The following DMD variants were observed in gnomAD, a reference collection of about 807,000 sequenced individuals.
DMD encodes mutant dystrophin.
A neutral mutation model predicts 330.1 loss-of-function variants in DMD; 63 were observed. The ratio of observed to expected loss-of-function variants is 0.19; its 90% CI spans 0.16 to 0.24. The LOEUF is 0.24. Among genes scored for constraint, DMD ranks in the 10% least tolerant of loss-of-function variants. DMD has a pLI of 1.00. For synonymous variants in DMD, 1,223 were observed against 959.8 expected (o/e 1.27, Z -5.07); for missense variants, 3,344 against 2,684.1 (o/e 1.25, Z -5.43).
chrX:31,458,243 A>G (rs1326061530), intron 59 of DMD, among the ~76,000 whole-genome samples: 3 of 111,131 alleles, frequency 2.7e-5, no homozygotes, highest in Non-Finnish European at 5.7e-5. Context: ...CTGTGAATAC[A>G]TGAGGTTGTG....
intron 30 of DMD, among the ~76,000 whole-genome samples, chrX:32,397,320 G>A (rs2098052116): frequency 9.0e-6 from 1 of 111,425 alleles, no homozygotes; most frequent in Admixed American, 9.6e-5. Flanking sequence ...TTATCAGCCT[G>A]GCTTCGTATA....
intron 13 of DMD, among the ~76,000 whole-genome samples, chrX:32,576,580 G>C (rs1050020260): frequency 9.1e-6 from 1 of 110,280 alleles, no homozygotes; most frequent in African/African-American, 3.3e-5. Context: ...ACAGAGGTGG[G>C]ATAGCACAAG....
intron 63 of DMD, among the ~76,000 whole-genome samples, chrX:31,248,365 G>A (rs1348711725): frequency 2.7e-5 from 3 of 111,509 alleles, no homozygotes; most frequent in African/African-American, 6.5e-5. Context: ...TGTAAACGTC[G>A]CAAGTACTTT....
In DMD at chrX:31,344,858, T is replaced by TACACAC. The variant is rs376996455; in HGVS notation, c.9163+3692_9163+3697dup. Among the ~76,000 whole-genome samples, 653 of 107,160 alleles carry TACACAC rather than the reference T, an allele frequency of 6.1e-3. 7 individuals carry two copies. Among genetic ancestry groups the TACACAC allele is most frequent in the African/African-American group, 0.021 (630 of 29,553 alleles). The allele number at this position is 107,160 out of a possible 115,157, so 93.1% of individuals were successfully genotyped here. A position where few individuals can be genotyped will look rare whatever the true frequency, so the allele number is the denominator to read the frequency against. ...AAAAAAATAAAAGATAGAACCTTGA[T>TACACAC]ACACACACACACACACACACGCAAC... On this transcript the variant is annotated intron_variant, in intron 61 of 78. Coordinates refer to ENST00000357033, the MANE Select transcript of DMD (RefSeq NM_004006.3).
intron 2 of DMD, among the ~76,000 whole-genome samples, chrX:32,991,628 A>G (rs928780828): frequency 4.5e-5 from 5 of 111,007 alleles, no homozygotes; most frequent in African/African-American, 6.7e-5. Context: ...TTAATTACTA[A>G]TACATGTATA....
At chrX:32,941,520 G>C (rs779330896) in intron 2 of DMD, among the ~76,000 whole-genome samples, 3 of 111,280 alleles carry the variant, frequency 2.7e-5, no homozygotes, top group Admixed American at 9.6e-5. Context: ...AGCTGTGATG[G>C]AGGCCATTAT....
intron 7 of DMD, among the ~76,000 whole-genome samples, chrX:32,721,177 T>C (rs1341846596): frequency 9.0e-6 from 1 of 111,092 alleles, no homozygotes; most frequent in East Asian, 2.8e-4. Flanking sequence ...AGAGTAAGGC[T>C]ATCTCCACAA....
chrX:31,829,865 C>A (rs980741492), intron 49 of DMD, among the ~76,000 whole-genome samples: 1 of 112,210 alleles, frequency 8.9e-6, no homozygotes, highest in South Asian at 3.7e-4. Context: ...CTTTGTCTCT[C>A]TCTTTAAGTG....
intron 44 of DMD, among the ~76,000 whole-genome samples, chrX:32,065,771 A>T (rs947414522): frequency 8.9e-6 from 1 of 112,005 alleles, no homozygotes; most frequent in East Asian, 2.8e-4. Context: ...TAATATTCAT[A>T]TAAAAGTGGT....
chrX:32,406,241 TA>T (rs1342049817), intron 30 of DMD, among the ~76,000 whole-genome samples: 6 of 111,438 alleles, frequency 5.4e-5, no homozygotes, highest in African/African-American at 2.0e-4. Context: ...GAATACCCTT[TA>T]TTTCCTTCTC....
intron 29 of DMD, among the ~76,000 whole-genome samples, chrX:32,415,296 G>A (rs1411866936): frequency 8.9e-6 from 1 of 111,995 alleles, no homozygotes; most frequent in Non-Finnish European, 1.9e-5. Flanking sequence ...GAACAGTGTG[G>A]CTTAAGAAAT....
At chrX:31,606,853 C>A (rs2077634925) in intron 55 of DMD, among the ~76,000 whole-genome samples, 1 of 111,516 alleles carries the variant, frequency 9.0e-6, no homozygotes. Flanking sequence ...TTCATGGGGA[C>A]AAAATTCGTT....
chrX:31,738,742 C>G (rs1003722259), intron 51 of DMD, among the ~76,000 whole-genome samples: 4 of 112,000 alleles, frequency 3.6e-5, no homozygotes, highest in African/African-American at 1.3e-4. Flanking sequence ...TACTACTCAG[C>G]CACAAAAAAG....
intron 7 of DMD, among the ~76,000 whole-genome samples, chrX:32,768,228 A>G (rs1351225130): frequency 1.8e-5 from 2 of 112,331 alleles, no homozygotes; most frequent in African/African-American, 3.2e-5. Flanking sequence ...AAGAAAACTT[A>G]TTTAATAACA....
chrX:32,516,618 AT>A (rs1046828093), intron 18 of DMD: 13 of 111,766 alleles, frequency 1.2e-4, no homozygotes, highest in African/African-American at 3.9e-4. Flanking sequence ...ATCAATAATC[AT>A]TTTTAATTAG....
At chrX:32,638,914 C>A (rs952084819) in intron 11 of DMD, among the ~76,000 whole-genome samples, 1 of 111,221 alleles carries the variant, frequency 9.0e-6, no homozygotes, top group Non-Finnish European at 1.9e-5. Flanking sequence ...AAGAGATGAG[C>A]CATATTTGTT....
chrX:32,784,174 T>C (rs1423509169), intron 7 of DMD, among the ~76,000 whole-genome samples: 2 of 112,030 alleles, frequency 1.8e-5, no homozygotes, highest in Non-Finnish European at 3.8e-5. Context: ...TCCTCCCTTA[T>C]GTATTTTATT....
At chrX:32,561,548 GA>G (rs1202762561) in intron 16 of DMD, among the ~76,000 whole-genome samples, 1 of 111,792 alleles carries the variant, frequency 8.9e-6, no homozygotes, top group Non-Finnish European at 1.9e-5. Context: ...GAACCTGAAA[GA>G]GACGGGGAGA....
intron 1 of DMD, among the ~76,000 whole-genome samples, chrX:33,058,475 T>A: frequency 9.7e-6 from 1 of 103,002 alleles, no homozygotes; most frequent in South Asian, 4.4e-4. Flanking sequence ...TATTTTATTT[T>A]TTTTTTTTGT....
Sources: gnomAD v4.1 joint callset for allele counts (sites outside exome capture counted in the v4.1 genomes callset) on GRCh38, gnomAD v4.1.1 for gene constraint, MANE v1.5 for transcripts, NCBI Gene and HGNC (gene_info 2026-07-23, HGNC 2026-07-21) for gene names.